The following RESF1 variants were observed in gnomAD, a reference collection of about 807,000 sequenced individuals.
RESF1 encodes the protein retroelement silencing factor 1, also known as gonad expressed transcript.
In RESF1, 65 loss-of-function variants were observed where a neutral mutation model predicts 134.7. That is an observed-to-expected ratio of 0.48 (90% CI 0.40 to 0.59). RESF1 has a LOEUF of 0.59. Ranked by LOEUF, RESF1 falls within the 20% of genes least tolerant of loss-of-function variation. The probability of loss-of-function intolerance (pLI) is 0.00; values close to 1 mark genes in which losing one functional copy is unlikely to be tolerated. For missense variants in RESF1, 2,274 were observed against 2,002.7 expected, an observed-to-expected ratio of 1.14 and a Z score of -2.59; for synonymous variants, 762 against 702.2, an observed-to-expected ratio of 1.09 and a Z score of -1.35.
Position 31,987,292 on chromosome 12 carries a change from A to G in RESF1, c.5056A>G (p.Lys1686Glu). ...EDWLKFVATK[K>E]RTQKDSQERD... ...CTGGTTAAAATTTGTTGCTACAAAG[A>G]AAAGGACACAGAAAGACAGCCAAGA... Residue 1686 changes from lysine to glutamate, a missense_variant, in exon 5 of 6, where the codon AAA becomes GAA. Physicochemically the swap from Lys to Glu is moderately conservative, Grantham distance 56. Transcript: ENST00000312561. The G allele has an allele frequency of 1.2e-6, 2 of 1,602,614 alleles. No individual in the cohort carries two copies. The highest frequency in any genetic ancestry group is 1.1e-5 in the South Asian group (1 of 90,486).
chr12:31,964,620 C>T (rs1309500136), intron 2 of RESF1, among the ~76,000 whole-genome samples: 2 of 152,190 alleles, frequency 1.3e-5, no homozygotes, highest in Admixed American at 6.5e-5. Flanking sequence ...GATGGTTGGT[C>T]TACATCCATA....
intron 4 of RESF1, 45 bp downstream of exon 4, chr12:31,986,002 T>C: frequency 7.6e-7 from 1 of 1,310,768 alleles, no homozygotes; most frequent in Non-Finnish European, 1.0e-6. Context: ...TTGTAAAGAG[T>C]CGTAGGTCAA....
Position 31,978,539 on chromosome 12 carries a change from TTTTTTTG to T in RESF1, c.-78-2320_-78-2314del, listed in dbSNP as rs540646233. Among the ~76,000 whole-genome samples the T allele has an allele frequency of 3.8e-3, 580 of 151,842 alleles. 5 individuals carry two copies. The highest frequency in any genetic ancestry group is 6.6e-3 in the South Asian group (32 of 4,818). On this transcript the variant is annotated intron_variant, in intron 3 of 5. Transcript: ENST00000312561. ...TTTAAATATGTAGGTATTTGGGGTTTTTTTTTGTTTTTTGTTTTTTGTTTTGAGACGG... is the reference window on the plus strand; with the variant it reads ...TTTAAATATGTAGGTATTTGGGGTTTTTTTTTGTTTTTTGTTTTGAGACGG...
chr12:31,982,268 C>T lies in RESF1; in HGVS notation c.1313C>T (p.Ala438Val). 2 of 1,614,042 alleles carry T rather than the reference C, an allele frequency of 1.2e-6. No individual in the cohort carries two copies. The highest frequency in any genetic ancestry group is 1.3e-5 in the African/African-American group (1 of 75,032). Residue 438 changes from alanine to valine, a missense_variant, in exon 4 of 6, where the codon GCT (alanine) becomes GTT (valine). By Grantham distance (64) the Ala-to-Val change is moderately conservative. Transcript: ENST00000312561. Reference protein sequence around the residue: ...KMTNTSYSEPAQNSKLSLKQT... With the variant: ...KMTNTSYSEPVQNSKLSLKQT... ...ACTAATACTTCTTATAGTGAACCAG[C>T]TCAGAATTCTAAATTGTCTCTAAAA...
At chr12:31,976,318 C>T (rs11611729) in intron 3 of RESF1, among the ~76,000 whole-genome samples, 3 of 152,184 alleles carry the variant, frequency 2.0e-5, no homozygotes, top group Non-Finnish European at 4.4e-5. Flanking sequence ...CAATAGCATG[C>T]TGTTCAGTGG....
intron 2 of RESF1, among the ~76,000 whole-genome samples, chr12:31,962,254 A>T (rs1362062537): frequency 1.3e-5 from 2 of 151,178 alleles, no homozygotes; most frequent in East Asian, 3.9e-4. Context: ...TGTGAAGGTG[A>T]ATTTCAAGAA....
intron 2 of RESF1, among the ~76,000 whole-genome samples, chr12:31,969,544 A>C (rs1181187349): frequency 6.6e-6 from 1 of 152,184 alleles, no homozygotes; most frequent in Non-Finnish European, 1.5e-5. Context: ...CTCAGTTTAT[A>C]CTTCCATATT....
chr12:31,967,139 TTGG>T lies in RESF1; in HGVS notation c.-246-3047_-246-3045del, dbSNP rs796434717. 5.5e-4 allele frequency among the ~76,000 whole-genome samples: 83 copies of T among 152,264 alleles called. 1 individual carries two copies. Among genetic ancestry groups the T allele is most frequent in the African/African-American group, 1.9e-3 (79 of 41,560 alleles). On this transcript the variant is annotated intron_variant, in intron 2 of 5. Transcript: ENST00000312561. The stretch of plus-strand genomic sequence containing the variant: ...TTGCTGGCTATAAAATGGCCACAGT[TTGG>T]TGTTCTCATCTGGCTTGGTGTCATC...
intron 1 of RESF1, 156 bp downstream of exon 1, chr12:31,959,647 C>G (rs1193666737): frequency 6.6e-6 from 1 of 151,136 alleles, no homozygotes; most frequent in Non-Finnish European, 1.5e-5. Context: ...CGGGCGGCCC[C>G]GGAACCCGGG....
Position 31,972,605 on chromosome 12 carries a change from CAA to C in RESF1, c.-79+2268_-79+2269del, listed in dbSNP as rs71064904. Among the ~76,000 whole-genome samples, 191 of 109,166 alleles carry C rather than the reference CAA, an allele frequency of 1.7e-3. 1 individual carries two copies. Among genetic ancestry groups the C allele is most frequent in the East Asian group, 0.011 (37 of 3,446 alleles). 71.6% of individuals were successfully genotyped at this position (109,166 alleles called of 152,430 possible). A position where few individuals can be genotyped will look rare whatever the true frequency, so the allele number is the denominator to read the frequency against. The stretch of plus-strand genomic sequence containing the variant: ...TGGGTGACAGAGTGAGACTCCGTCT[CAA>C]AAAAAAAAAAAAAAAAAAGTGGGGG... On this transcript the variant is annotated intron_variant, in intron 3 of 5. Coordinates refer to ENST00000312561, the MANE Select transcript of RESF1 (RefSeq NM_018169.4).
At chr12:31,973,800 A>G (rs547556255) in intron 3 of RESF1, among the ~76,000 whole-genome samples, 1 of 152,250 alleles carries the variant, frequency 6.6e-6, no homozygotes, top group Admixed American at 6.5e-5. Flanking sequence ...TGACCACTTC[A>G]TCTCTGGTCA....
rs184270661 is a variant in RESF1, at chr12:31,985,254, G to T, written c.4299G>T (p.Thr1433=). Residue 1433 remains threonine (T), a synonymous_variant, in exon 4 of 6, where the codon ACG becomes ACT. Transcript: ENST00000312561. ...TATCAAATACTAAGTCTGTAGACAC[G>T]AAAGCGAGTTCATCTAAATTTAGTA... ...KMVSNTKSVD[T]KASSSKFSRI... 9.3e-6 allele frequency: 15 copies of T among 1,610,226 alleles called. No individual in the cohort carries two copies. The highest frequency in any genetic ancestry group is 1.3e-5 in the African/African-American group (1 of 74,688).
chr12:31,964,548 T>A (rs1939356201), intron 2 of RESF1, among the ~76,000 whole-genome samples: 1 of 152,192 alleles, frequency 6.6e-6, no homozygotes, highest in South Asian at 2.1e-4. Flanking sequence ...GGCATTTAGG[T>A]TGATTCTGGG....
chr12:31,977,162 T>C (rs539339757), intron 3 of RESF1, among the ~76,000 whole-genome samples: 6 of 152,266 alleles, frequency 3.9e-5, no homozygotes, highest in African/African-American at 7.2e-5. Flanking sequence ...AACCTTCCCC[T>C]ATCCCGAGGG....
Position 31,983,047 on chromosome 12 carries a change from A to T in RESF1, c.2092A>T (p.Thr698Ser). The T allele has an allele frequency of 6.2e-7, 1 of 1,614,006 alleles. No homozygotes were observed. The highest frequency in any genetic ancestry group is 8.5e-7 in the Non-Finnish European group (1 of 1,180,006). ...AKEKECDKLR[T>S]NTTAVGISKP... ...AGAAAAGGAGTGTGATAAACTCAGAACAAACACAACAGCAGTTGGAATTTC... is the reference window on the plus strand; with the variant it reads ...AGAAAAGGAGTGTGATAAACTCAGATCAAACACAACAGCAGTTGGAATTTC... The change falls in exon 4 of 6, where the codon ACA (threonine) becomes TCA (serine). Residue 698 changes from threonine (T) to serine (S), a missense_variant. By Grantham distance (58) the Thr-to-Ser change is moderately conservative. Coordinates refer to ENST00000312561, the MANE Select transcript of RESF1 (RefSeq NM_018169.4).
In RESF1 at chr12:31,970,327, G is replaced by A. The variant is rs906644694; in HGVS notation, c.-108G>A. The A allele has an allele frequency of 6.6e-5, 10 of 152,160 alleles. No individual in the cohort carries two copies. Among genetic ancestry groups the A allele is most frequent in the African/African-American group, 2.4e-4 (10 of 41,432 alleles). 9.4% of individuals were successfully genotyped at this position (152,160 alleles called of 1,614,324 possible). On this transcript the variant is annotated 5_prime_UTR_variant, in exon 3 of 6. An upstream start codon of the reference 5' UTR is lost. Transcript: ENST00000312561. ...GAATTATACCTAGAAGTCTACTAAT[G>A]GACAGTTAGTCACCCACCTACATGT...
intron 2 of RESF1, chr12:31,962,690 AGT>A (rs1939303180): frequency 6.6e-6 from 1 of 152,262 alleles, no homozygotes; most frequent in Admixed American, 6.5e-5. Context: ...AAAATGACAA[AGT>A]GTATTAAAAG....
chr12:31,972,633 C>T (rs1277928306), intron 3 of RESF1, among the ~76,000 whole-genome samples: 7 of 146,122 alleles, frequency 4.8e-5, no homozygotes. Flanking sequence ...AAAGTGGGGG[C>T]AGTCTTGCAG....
rs189355117 is a variant in RESF1, at chr12:31,977,026, C to T, written c.-78-3852C>T. Among the ~76,000 whole-genome samples the T allele has an allele frequency of 9.2e-5, 14 of 152,244 alleles. No homozygotes were observed. The East Asian group carries it at 1.9e-3, about 21-fold the overall frequency. ...CTTTGCTATGTATTGCGAATATAAT[C>T]TTCTAGAGAGTGACTTTACTTTTTC... On this transcript the variant is annotated intron_variant, in intron 3 of 5. Coordinates refer to ENST00000312561, the MANE Select transcript of RESF1 (RefSeq NM_018169.4).
Sources: gnomAD v4.1 joint callset for allele counts (sites outside exome capture counted in the v4.1 genomes callset) on GRCh38, gnomAD v4.1.1 for gene constraint, MANE v1.5 for transcripts, NCBI Gene and HGNC (gene_info 2026-07-23, HGNC 2026-07-21) for gene names.